MARCHF1: variants seen among roughly 807,000 people sequenced by gnomAD.
MARCHF1 encodes the protein E3 ubiquitin-protein ligase MARCHF1.
In MARCHF1, 40 loss-of-function variants were observed where a neutral mutation model predicts 54.2. The ratio of observed to expected loss-of-function variants is 0.74; its 90% CI spans 0.57 to 0.96. MARCHF1 has a LOEUF of 0.96. Among genes scored for constraint, MARCHF1 ranks in the 40% least tolerant of loss-of-function variants. The pLI is 0.00. For missense variants in MARCHF1, 586 were observed against 656.5 expected (o/e 0.89, Z 1.17); for synonymous variants, 236 against 236.3 (o/e 1.00, Z 0.01).
chr4:164,170,446 G>A (rs1413173092), intron 1 of MARCHF1, among the ~76,000 whole-genome samples: 1 of 152,004 alleles, frequency 6.6e-6, no homozygotes, highest in African/African-American at 2.4e-5. Flanking sequence ...ATCAATAAGT[G>A]TTTATTGAGC....
intron 7 of MARCHF1, among the ~76,000 whole-genome samples, chr4:163,603,377 C>T (rs1384086971): frequency 2.0e-5 from 3 of 152,058 alleles, no homozygotes; most frequent in African/African-American, 4.8e-5. Flanking sequence ...TTGGTTGTAT[C>T]CGCATTTGAG....
chr4:163,975,954 T>C (rs1208364334), intron 3 of MARCHF1, among the ~76,000 whole-genome samples: 1 of 152,190 alleles, frequency 6.6e-6, no homozygotes, highest in African/African-American at 2.4e-5. Context: ...ACCTTTGGAC[T>C]TGCCACCAGT....
chr4:164,234,221 G>C lies in MARCHF1; in HGVS notation c.-322-122559C>G, dbSNP rs138980466. On this transcript the variant is annotated intron_variant, in intron 1 of 9. Coordinates refer to ENST00000514618, the MANE Select transcript of MARCHF1 (RefSeq NM_001394959.1). ...ACAAGCTACAGTTATTAATATCTAG[G>C]TAAACAATTGAAAAATATTTAATCT... Among the ~76,000 whole-genome samples the C allele has an allele frequency of 2.3e-4, 35 of 152,102 alleles. No individual in the cohort carries two copies. The East Asian group carries it at 6.4e-3, about 28-fold the overall frequency.
intron 7 of MARCHF1, among the ~76,000 whole-genome samples, chr4:163,609,293 A>G (rs1283602599): frequency 6.6e-6 from 1 of 151,974 alleles, no homozygotes; most frequent in East Asian, 1.9e-4. Flanking sequence ...TCCTAAATCA[A>G]CTTGCCTCTG....
chr4:163,910,802 A>T (rs916130495), intron 3 of MARCHF1, among the ~76,000 whole-genome samples: 3 of 152,144 alleles, frequency 2.0e-5, no homozygotes, highest in Non-Finnish European at 4.4e-5. Flanking sequence ...CAGCCCAAAT[A>T]GTAATCTTCT....
chr4:163,667,090 A>T (rs1743562035), intron 5 of MARCHF1, among the ~76,000 whole-genome samples: 1 of 152,164 alleles, frequency 6.6e-6, no homozygotes, highest in Non-Finnish European at 1.5e-5. Context: ...TTCTAAAAAA[A>T]TCCAGCAGTG....
At chr4:163,676,466 G>T (rs1743924330) in intron 5 of MARCHF1, among the ~76,000 whole-genome samples, 1 of 152,116 alleles carries the variant, frequency 6.6e-6, no homozygotes, top group African/African-American at 2.4e-5. Flanking sequence ...GTCATAAGAG[G>T]CTGTGCATAG....
intron 2 of MARCHF1, among the ~76,000 whole-genome samples, chr4:164,093,568 C>T (rs1182401721): frequency 6.6e-6 from 1 of 152,082 alleles, no homozygotes; most frequent in African/African-American, 2.4e-5. Context: ...CCCAGATTCT[C>T]TTGGTTAAGT....
intron 2 of MARCHF1, among the ~76,000 whole-genome samples, chr4:164,021,460 G>A (rs530070931): frequency 2.6e-5 from 4 of 151,820 alleles, no homozygotes; most frequent in South Asian, 2.1e-4. Flanking sequence ...GTTTTTCCTT[G>A]AGCCTTTGAA....
chr4:164,333,789 G>A (rs1307917812), intron 1 of MARCHF1, among the ~76,000 whole-genome samples: 3 of 152,216 alleles, frequency 2.0e-5, no homozygotes, highest in African/African-American at 7.2e-5. Flanking sequence ...AAGCCAAGAG[G>A]CCAAACGCTA....
At chr4:163,589,223 C>T (rs1740507152) in intron 7 of MARCHF1, among the ~76,000 whole-genome samples, 1 of 152,108 alleles carries the variant, frequency 6.6e-6, no homozygotes, top group African/African-American at 2.4e-5. Context: ...CTGCTTTAAA[C>T]AGAGACCTTG....
chr4:164,100,964 C>G (rs1264765202), intron 2 of MARCHF1, among the ~76,000 whole-genome samples: 1 of 152,226 alleles, frequency 6.6e-6, no homozygotes, highest in Admixed American at 6.5e-5. Context: ...CGCAAGAGGT[C>G]AGGGATTTCC....
At chr4:164,311,489 C>T (rs1008096723) in intron 1 of MARCHF1, among the ~76,000 whole-genome samples, 3 of 152,088 alleles carry the variant, frequency 2.0e-5, no homozygotes, top group Non-Finnish European at 4.4e-5. Context: ...CTATAAGAAA[C>T]CTTTCCAATG....
At chr4:163,562,296 AAAAAC>A (rs67047524) in intron 8 of MARCHF1, among the ~76,000 whole-genome samples, 54,656 of 149,988 alleles carry the variant, frequency 0.36, 10,102 homozygotes, top group Middle Eastern at 0.44. Flanking sequence ...ACTCTGTCTC[AAAAAC>A]AAAACAAAAC....
intron 1 of MARCHF1, chr4:164,196,908 G>T (rs1011992474): frequency 1.3e-5 from 18 of 1,439,298 alleles, no homozygotes; most frequent in African/African-American, 2.8e-5. Context: ...AGGATTGGAG[G>T]GGGGAGGGGA....
intron 2 of MARCHF1, among the ~76,000 whole-genome samples, chr4:164,008,880 A>G (rs932791845): frequency 6.6e-6 from 1 of 152,050 alleles, no homozygotes; most frequent in Non-Finnish European, 1.5e-5. Flanking sequence ...AAAAAAGTTG[A>G]AAGACTTCAA....
At chr4:164,166,682 C>G (rs1730389276) in intron 1 of MARCHF1, among the ~76,000 whole-genome samples, 1 of 151,644 alleles carries the variant, frequency 6.6e-6, no homozygotes, top group Admixed American at 6.6e-5. Flanking sequence ...AAAAAGCATT[C>G]AAATAAGAAT....
chr4:163,979,923 C>T (rs1318167964), intron 3 of MARCHF1, among the ~76,000 whole-genome samples: 5 of 151,946 alleles, frequency 3.3e-5, no homozygotes, highest in Non-Finnish European at 5.9e-5. Flanking sequence ...TGGATATTAG[C>T]CCTTTGTCAG....
chr4:163,651,714 A>G (rs1742973740), intron 5 of MARCHF1, among the ~76,000 whole-genome samples: 1 of 151,296 alleles, frequency 6.6e-6, no homozygotes, highest in Non-Finnish European at 1.5e-5. Flanking sequence ...TTCCCTTTAC[A>G]CTATCTTCAC....
Sources: gnomAD v4.1 joint callset for allele counts (sites outside exome capture counted in the v4.1 genomes callset) on GRCh38, gnomAD v4.1.1 for gene constraint, MANE v1.5 for transcripts, NCBI Gene and HGNC (gene_info 2026-07-23, HGNC 2026-07-21) for gene names.